Variants in TFCP2 observed in about 807,000 individuals in gnomAD.
TFCP2 encodes alpha-globin transcription factor CP2.
In TFCP2, 33 loss-of-function variants were observed where a neutral mutation model predicts 73.4. The ratio of observed to expected loss-of-function variants is 0.45; its 90% CI spans 0.34 to 0.60. TFCP2 has a LOEUF of 0.60. Among genes scored for constraint, TFCP2 ranks in the 20% least tolerant of loss-of-function variants. The pLI, the probability that TFCP2 is intolerant of heterozygous loss-of-function variation, is 0.01. For missense variants in TFCP2, 352 were observed against 604.0 expected, an observed-to-expected ratio of 0.58 and a Z score of 4.37; for synonymous variants, 193 against 211.6, an observed-to-expected ratio of 0.91 and a Z score of 0.76.
chr12:51,115,393 T>C (rs1322658549), intron 4 of TFCP2, among the ~76,000 whole-genome samples: 1 of 152,156 alleles, frequency 6.6e-6, no homozygotes, highest in African/African-American at 2.4e-5. Context: ...GTTTTGGGAT[T>C]ACAGGCGTGA....
At chr12:51,106,297 A>G (rs552469393) in intron 8 of TFCP2, among the ~76,000 whole-genome samples, 72 of 152,280 alleles carry the variant, frequency 4.7e-4, no homozygotes, top group African/African-American at 1.7e-3. Flanking sequence ...AGTGGGGGGA[A>G]AAAAGACGAG....
intron 1 of TFCP2, among the ~76,000 whole-genome samples, chr12:51,155,132 G>C (rs1444290713): frequency 1.3e-5 from 2 of 152,166 alleles, no homozygotes; most frequent in African/African-American, 4.8e-5. Flanking sequence ...TTTGATATCA[G>C]TACTCCAAGT....
In TFCP2 at chr12:51,099,641, CCAG is replaced by C; in HGVS notation, c.1276+11_1276+13del. 1 of 1,614,132 alleles carries C rather than the reference CCAG, an allele frequency of 6.2e-7. No individual in the cohort carries two copies. The highest frequency in any genetic ancestry group is 2.2e-5 in the East Asian group (1 of 44,886). On this transcript the variant is annotated intron_variant, in intron 12 of 14. Transcript: ENST00000257915. ...TTTCTTCATATCTGTCCTAGTGTGT[CCAG>C]AACAACCTACCGAAGAAAGTACCAT... is the stretch of plus-strand genomic sequence containing the variant.
chr12:51,167,288 A>G (rs1941774877), intron 1 of TFCP2, among the ~76,000 whole-genome samples: 1 of 152,246 alleles, frequency 6.6e-6, no homozygotes, highest in Non-Finnish European at 1.5e-5. Context: ...GATGCAACAG[A>G]AAATAAACTA....
chr12:51,131,262 G>A (rs1245210813), intron 1 of TFCP2, among the ~76,000 whole-genome samples: 1 of 149,338 alleles, frequency 6.7e-6, no homozygotes, highest in Non-Finnish European at 1.5e-5. Context: ...GTGAACCCGG[G>A]AGGTGGAGCT....
chr12:51,128,494 A>C (rs1357587166), intron 1 of TFCP2, among the ~76,000 whole-genome samples: 26 of 138,644 alleles, frequency 1.9e-4, no homozygotes, highest in East Asian at 4.2e-4. Context: ...AAAAAAAAAC[A>C]AAAAAAACAA....
chr12:51,112,523 G>A lies in TFCP2; in HGVS notation c.458-1540C>T, dbSNP rs531605479. ...AAGGGGTGCAGCAGAGTGTCTATAT[G>A]AAGGTAGAAAGCATTATATCATGAA... is the stretch of plus-strand genomic sequence containing the variant. On this transcript the variant is annotated intron_variant, in intron 4 of 14. Transcript: ENST00000257915. Among the ~76,000 whole-genome samples the A allele has an allele frequency of 2.6e-4, 39 of 152,286 alleles. 1 individual carries two copies. In the South Asian group the frequency reaches 7.9e-3, roughly 31 times the overall value.
At chr12:51,168,361 G>A (rs1017989443) in intron 1 of TFCP2, among the ~76,000 whole-genome samples, 2 of 151,640 alleles carry the variant, frequency 1.3e-5, no homozygotes, top group Admixed American at 6.6e-5. Flanking sequence ...AGCTGTGATT[G>A]AGCCACTACA....
chr12:51,130,885 G>A (rs998733139), intron 1 of TFCP2, among the ~76,000 whole-genome samples: 2 of 151,974 alleles, frequency 1.3e-5, no homozygotes, highest in Middle Eastern at 3.4e-3. Context: ...TACTCGAGAG[G>A]CTGAGGCAGG....
chr12:51,098,476 AT>A (rs5798161), intron 13 of TFCP2, among the ~76,000 whole-genome samples: 93,782 of 151,692 alleles, frequency 0.62, 29,477 homozygotes, highest in Admixed American at 0.68. Flanking sequence ...AAATACAAAA[AT>A]TAGCCAGGCG....
intron 1 of TFCP2, among the ~76,000 whole-genome samples, chr12:51,155,320 T>TA (rs1941515136): frequency 1.3e-5 from 2 of 152,246 alleles, no homozygotes; most frequent in South Asian, 4.1e-4. Context: ...ACAGCCTTCT[T>TA]AGTTTCCATA....
In TFCP2 at chr12:51,168,828, G is replaced by A. The variant is rs1267290894; in HGVS notation, c.122+3473C>T. On this transcript the variant is annotated intron_variant, in intron 1 of 14. Coordinates refer to ENST00000257915, the MANE Select transcript of TFCP2 (RefSeq NM_005653.5). ...TATTTCATTTTTTTTTTGAGATGCA[G>A]TCTGGCTCTGTTGCCCAGGCTGTAG... is the stretch of plus-strand genomic sequence containing the variant. Among the ~76,000 whole-genome samples, 3 of 151,122 alleles carry A rather than the reference G, an allele frequency of 2.0e-5. No homozygotes were observed. In the East Asian group the frequency reaches 5.9e-4, roughly 30 times the overall value.
At chr12:51,159,460 G>T (rs899298276) in intron 1 of TFCP2, among the ~76,000 whole-genome samples, 5 of 150,974 alleles carry the variant, frequency 3.3e-5, no homozygotes, top group Non-Finnish European at 7.4e-5. Flanking sequence ...TGCCTCAGCC[G>T]CCCAAGTAGC....
Position 51,099,229 on chromosome 12 carries a change from T to C in TFCP2, c.1277-311A>G, listed in dbSNP as rs562560078. Among the ~76,000 whole-genome samples, 5 of 152,302 alleles carry C rather than the reference T, an allele frequency of 3.3e-5. No individual in the cohort carries two copies. The South Asian group carries it at 6.2e-4, about 19-fold the overall frequency. The stretch of plus-strand genomic sequence containing the variant: ...GGCTGGGTGTAGTGGTTTACACCTA[T>C]AGTCCCAGCAATTTGGGAGGCTGAG... On this transcript the variant is annotated intron_variant, in intron 12 of 14. Coordinates refer to ENST00000257915, the MANE Select transcript of TFCP2 (RefSeq NM_005653.5).
chr12:51,117,962 C>G (rs55938119), intron 2 of TFCP2, among the ~76,000 whole-genome samples: 33,950 of 152,058 alleles, frequency 0.22, 4,662 homozygotes, highest in East Asian at 0.71. Flanking sequence ...TATTATCAAT[C>G]CCATTTTACA....
chr12:51,119,217 G>T (rs1356691794), intron 1 of TFCP2, among the ~76,000 whole-genome samples: 1 of 152,232 alleles, frequency 6.6e-6, no homozygotes, highest in Admixed American at 6.5e-5. Flanking sequence ...TCAATAACGA[G>T]TATATATTTC....
intron 12 of TFCP2, 32 bp downstream of exon 12, chr12:51,099,623 A>G (rs1940059261): frequency 8.1e-6 from 13 of 1,608,906 alleles, no homozygotes; most frequent in Non-Finnish European, 1.1e-5. Flanking sequence ...ACCTTTCTTC[A>G]TATCTGTCCT....
At chr12:51,131,343 A>AC (rs1232465478) in intron 1 of TFCP2, among the ~76,000 whole-genome samples, 2 of 151,728 alleles carry the variant, frequency 1.3e-5, no homozygotes, top group Non-Finnish European at 2.9e-5. Flanking sequence ...AAAAAAAAAA[A>AC]AAAAACAAGG....
At chr12:51,117,252 G>T (rs1011809628) in intron 3 of TFCP2, among the ~76,000 whole-genome samples, 1 of 152,122 alleles carries the variant, frequency 6.6e-6, no homozygotes, top group Admixed American at 6.6e-5. Context: ...ACTGTGCTGT[G>T]AATTATCAAA....
Sources: allele counts gnomAD v4.1 joint callset (sites outside exome capture counted in the v4.1 genomes callset), GRCh38; gene constraint gnomAD v4.1.1; transcripts MANE v1.5; gene names NCBI Gene and HGNC (gene_info 2026-07-23, HGNC 2026-07-21).